SIRPB1: variants seen among roughly 807,000 people sequenced by gnomAD.
The protein encoded by SIRPB1 is signal-regulatory protein beta-1.
In SIRPB1, 28 loss-of-function variants were observed where a neutral mutation model predicts 34.1. The observed-to-expected ratio is 0.82, with a 90% CI of 0.61 to 1.12. SIRPB1 has a LOEUF of 1.12. SIRPB1 is among the 50% of genes most tolerant of loss of function. The pLI is 0.00. For synonymous variants in SIRPB1, 211 were observed against 203.8 expected (o/e 1.04, Z -0.30); for missense variants, 499 against 507.0 (o/e 0.98, Z 0.15).
Position 1,613,125 on chromosome 20 carries a change from G to A in SIRPB1, c.76+6744C>T, listed in dbSNP as rs1206574377. Among the ~76,000 whole-genome samples, 13 of 73,058 alleles carry A rather than the reference G, an allele frequency of 1.8e-4. 5 individuals carry two copies. Among genetic ancestry groups the A allele is most frequent in the Non-Finnish European group, 3.4e-4 (13 of 38,724 alleles). 47.9% of individuals were successfully genotyped at this position (73,058 alleles called of 152,430 possible). ...TTAACTTTAATAATCATTTCACTAC[G>A]TATATGTATATGTGTACGTATATGA... On this transcript the variant is annotated intron_variant, in intron 1 of 5. Transcript: ENST00000381605.
rs1257924612 is a variant in SIRPB1, at chr20:1,604,334, G to A, written c.76+15535C>T. ...AAGCACAACGCCCAGCACACAGTAG[G>A]TGCTCAAGGACTGGTAGCTCCTACT... On this transcript the variant is annotated intron_variant, in intron 1 of 5. Coordinates refer to ENST00000381605, the MANE Select transcript of SIRPB1 (RefSeq NM_006065.5). Among the ~76,000 whole-genome samples, 2 of 47,826 alleles carry A rather than the reference G, an allele frequency of 4.2e-5. 1 individual carries two copies. The highest frequency in any genetic ancestry group is 7.9e-5 in the Non-Finnish European group (2 of 25,182). The allele number at this position is 47,826 out of a possible 152,430, so 31.4% of individuals were successfully genotyped here.
rs920698874 is a variant in SIRPB1, at chr20:1,563,961, A to G, written c.*1539T>C. The G allele has an allele frequency of 2.4e-4, 36 of 152,218 alleles. No homozygotes were observed. The highest frequency in any genetic ancestry group is 7.2e-4 in the African/African-American group (30 of 41,448). The allele number at this position is 152,218 out of a possible 1,614,324, so 9.4% of individuals were successfully genotyped here. A position where few individuals can be genotyped will look rare whatever the true frequency, so the allele number is the denominator to read the frequency against. On this transcript the variant is annotated 3_prime_UTR_variant, in exon 6 of 6. Coordinates refer to ENST00000381605, the MANE Select transcript of SIRPB1 (RefSeq NM_006065.5). ...ACAGAGCCAAACTATATCACTCCAT[A>G]TTAGAAATATACAAAAAAAGGCAAG... is the stretch of plus-strand genomic sequence containing the variant.
At chr20:1,570,741 A>T in intron 4 of SIRPB1, 64 bp downstream of exon 4, 3 of 1,271,736 alleles carry the variant, frequency 2.4e-6, no homozygotes, top group Middle Eastern at 2.0e-4. Flanking sequence ...TTTTATGACA[A>T]GCATGAATAT....
chr20:1,569,930 GA>G (rs906967663), intron 4 of SIRPB1, among the ~76,000 whole-genome samples: 2 of 152,220 alleles, frequency 1.3e-5, no homozygotes, highest in Non-Finnish European at 2.9e-5. Flanking sequence ...TGGTTATAGA[GA>G]GGGGGAACAC....
At chr20:1,615,893 C>T (rs761334966) in intron 1 of SIRPB1, among the ~76,000 whole-genome samples, 1 of 151,836 alleles carries the variant, frequency 6.6e-6, no homozygotes. Context: ...TTTTATTTAC[C>T]TATTTATCAT....
chr20:1,572,375 C>T (rs900199623), intron 2 of SIRPB1, among the ~76,000 whole-genome samples: 3 of 151,786 alleles, frequency 2.0e-5, no homozygotes, highest in Non-Finnish European at 4.4e-5. Flanking sequence ...TCCTAGCTGT[C>T]CTCCCCCGGA....
chr20:1,572,125 A>T, intron 2 of SIRPB1, 88 bp from the exon 3 acceptor site: 1 of 1,587,750 alleles, frequency 6.3e-7, no homozygotes, highest in Non-Finnish European at 8.6e-7. Flanking sequence ...ACCTTCTGAG[A>T]CGTTAGTTTT....
chr20:1,617,847 A>G (rs960317500), intron 1 of SIRPB1, among the ~76,000 whole-genome samples: 4 of 152,232 alleles, frequency 2.6e-5, no homozygotes, highest in African/African-American at 7.2e-5. Context: ...TTTCATTGAA[A>G]TTAGAAACTT....
chr20:1,578,474 G>A lies in SIRPB1; in HGVS notation c.297C>T (p.Asn99=), dbSNP rs199879640. The change falls in exon 2 of 6, where the codon AAC becomes AAT. Residue 99 remains asparagine, a synonymous_variant. Transcript: ENST00000381605. ...TGATGCTGATGGAAAAGTCCAGGTT[G>A]TTTCTCTTTGTGAGTTCTGAAACAG... ...VTTVSELTKR[N]NLDFSISISN... The A allele has an allele frequency of 1.5e-5, 23 of 1,558,596 alleles. 4 individuals are homozygous for A. Among genetic ancestry groups the A allele is most frequent in the Non-Finnish European group, 2.0e-5 (23 of 1,135,228 alleles).
rs145218283 is a variant in SIRPB1, at chr20:1,611,729, A to G, written c.76+8140T>C. On this transcript the variant is annotated intron_variant, in intron 1 of 5. Coordinates refer to ENST00000381605, the MANE Select transcript of SIRPB1 (RefSeq NM_006065.5). ...CCAGCTACCCCTGGAAAGGAGCACA[A>G]AGCAGTCATTTTTTCATCCTTACGT... The G allele has an allele frequency of 1.0e-3, 887 of 862,352 alleles. 328 individuals carry two copies. The African/African-American group carries it at 0.018, about 17-fold the overall frequency. The allele number at this position is 862,352 out of a possible 1,614,324, so 53.4% of individuals were successfully genotyped here.
At chr20:1,616,096 A>G (rs1247558103) in intron 1 of SIRPB1, among the ~76,000 whole-genome samples, 2 of 152,224 alleles carry the variant, frequency 1.3e-5, no homozygotes, top group African/African-American at 4.8e-5. Context: ...AAAGATATCC[A>G]TGCTTGTGGA....
rs2091554014 is a variant in SIRPB1 at position 1,610,565 on chromosome 20, C to T, written c.76+9304G>A. ...AGCCTTATATGGGAAACCCCTAAGTCACCCACTTGTGGGACCTCTTTCCTG... is the reference window on the plus strand; with the variant it reads ...AGCCTTATATGGGAAACCCCTAAGTTACCCACTTGTGGGACCTCTTTCCTG... On this transcript the variant is annotated intron_variant, in intron 1 of 5. Coordinates refer to ENST00000381605, the MANE Select transcript of SIRPB1 (RefSeq NM_006065.5). Among the ~76,000 whole-genome samples, 6 of 72,454 alleles carry T rather than the reference C, an allele frequency of 8.3e-5. 1 individual carries two copies. Among genetic ancestry groups the T allele is most frequent in the Admixed American group, 6.7e-4 (6 of 8,962 alleles). 47.5% of individuals were successfully genotyped at this position (72,454 alleles called of 152,430 possible).
rs1482543416 is a variant in SIRPB1, at chr20:1,561,713, A to T, written c.*3787T>A. Among the ~76,000 whole-genome samples, 1 of 152,214 alleles carries T rather than the reference A, an allele frequency of 6.6e-6. No homozygotes were observed. The highest frequency in any genetic ancestry group is 1.5e-5 in the Non-Finnish European group (1 of 68,030). On this transcript the variant is annotated 3_prime_UTR_variant, in exon 6 of 6. Transcript: ENST00000381605. Reference sequence around the variant, plus strand: ...ATCATATTAAAGGTACATATTAGTGACATGATTTATGATTCTTGATGTTGA... The same window carrying T: ...ATCATATTAAAGGTACATATTAGTGTCATGATTTATGATTCTTGATGTTGA...
Position 1,570,857 on chromosome 20 carries a change from A to G in SIRPB1, c.1032T>C (p.Tyr344=), listed in dbSNP as rs1449883552. 1.9e-6 allele frequency: 3 copies of G among 1,614,208 alleles called. No individual in the cohort carries two copies. Among genetic ancestry groups the G allele is most frequent in the Non-Finnish European group, 2.5e-6 (3 of 1,180,036 alleles). ...HDGQQAVSKS[Y]ALEISAHQKE... ...TCTGGTGCGCTGAGATCTCCAGGGC[A>G]TAGCTTTTGCTGACTGCTTGCTGCC... The change falls in exon 4 of 6, where the codon TAT becomes TAC. Residue 344 remains tyrosine (Y), a synonymous_variant. Transcript: ENST00000381605.
At chr20:1,594,595 C>A (rs2091452986) in intron 1 of SIRPB1, among the ~76,000 whole-genome samples, 1 of 48,188 alleles carries the variant, frequency 2.1e-5, no homozygotes, top group Admixed American at 1.4e-4. Flanking sequence ...ACTGGGAGCC[C>A]ATGGATGCCT....
chr20:1,569,003 T>A (rs1355099576), intron 4 of SIRPB1, among the ~76,000 whole-genome samples: 1 of 152,184 alleles, frequency 6.6e-6, no homozygotes, highest in African/African-American at 2.4e-5. Flanking sequence ...AAACGTGGGA[T>A]ACCATTGCAG....
intron 1 of SIRPB1, among the ~76,000 whole-genome samples, chr20:1,614,170 A>G (rs1282544486): frequency 6.6e-6 from 1 of 152,232 alleles, no homozygotes; most frequent in Non-Finnish European, 1.5e-5. Flanking sequence ...AATACAAGGG[A>G]GAAATTACGA....
Position 1,563,551 on chromosome 20 carries a change from G to A in SIRPB1, c.*1949C>T, listed in dbSNP as rs187927606. 1 of 152,224 alleles carries A rather than the reference G, an allele frequency of 6.6e-6. No homozygotes were observed. The highest frequency in any genetic ancestry group is 6.5e-5 in the Admixed American group (1 of 15,284). 9.4% of individuals were successfully genotyped at this position (152,224 alleles called of 1,614,324 possible). A position where few individuals can be genotyped will look rare whatever the true frequency, so the allele number is the denominator to read the frequency against. On this transcript the variant is annotated 3_prime_UTR_variant, in exon 6 of 6. Coordinates refer to ENST00000381605, the MANE Select transcript of SIRPB1 (RefSeq NM_006065.5). ...GAAACAATGCTTGCTCCGTGTATTA[G>A]CCCATTCTCACACTGCTATAAAGAA...
chr20:1,618,863 T>A (rs1043353980), intron 1 of SIRPB1, among the ~76,000 whole-genome samples: 2 of 152,102 alleles, frequency 1.3e-5, no homozygotes, highest in African/African-American at 4.8e-5. Context: ...CCAAAGGAGG[T>A]TGTAGTACCT....
Sources: allele counts gnomAD v4.1 joint callset (sites outside exome capture counted in the v4.1 genomes callset), GRCh38; gene constraint gnomAD v4.1.1; transcripts MANE v1.5; gene names NCBI Gene and HGNC (gene_info 2026-07-23, HGNC 2026-07-21).